The following BHLHE23 variants were observed in gnomAD, a reference collection of about 807,000 sequenced individuals.
BHLHE23 encodes the protein basic helix-loop-helix family member e23.
For synonymous variants in BHLHE23, 204 were observed against 184.4 expected (o/e 1.11, Z -0.86); for missense variants, 401 against 380.0 (o/e 1.06, Z -0.46).
At position 63,006,765 on chromosome 20, in the gene BHLHE23, G is replaced by T; in HGVS notation, c.10C>A (p.Arg4Ser). 7.8e-7 allele frequency: 1 copy of T among 1,277,924 alleles called. No homozygotes were observed. Among genetic ancestry groups the T allele is most frequent in the Non-Finnish European group, 9.9e-7 (1 of 1,014,694 alleles). The allele number at this position is 1,277,924 out of a possible 1,614,324, so 79.2% of individuals were successfully genotyped here. Residue 4 changes from arginine to serine, a missense_variant, in exon 1 of 1, where the codon CGC (arginine) becomes AGC (serine). Arg to Ser is a moderately radical substitution (Grantham distance 110, BLOSUM62 -1). Transcript: ENST00000612929. The stretch of plus-strand genomic sequence containing the variant: ...GGGCTCGGGGGCTCGCCGGGTGGGC[G>T]GATGCTCATGTGGGTGAGCAGCCCC... MSI[R>S]PPGEPPSPGG...
chr20:63,006,436 C>T lies in BHLHE23; in HGVS notation c.339G>A (p.Glu113=). 9.5e-6 allele frequency: 14 copies of T among 1,479,258 alleles called. No individual in the cohort carries two copies. Among genetic ancestry groups the T allele is most frequent in the Non-Finnish European group, 1.2e-5 (14 of 1,126,310 alleles). 91.6% of individuals were successfully genotyped at this position (1,479,258 alleles called of 1,614,324 possible). A position where few individuals can be genotyped will look rare whatever the true frequency, so the allele number is the denominator to read the frequency against. Residue 113 remains glutamate (E), a synonymous_variant, in exon 1 of 1, where the codon GAG becomes GAA. Coordinates refer to ENST00000612929, the MANE Select transcript of BHLHE23 (RefSeq NM_080606.4). ...SAADGRRRPR[E]QRSLRLSINA... ...TGATGCTGAGCCGCAGAGACCGCTG[C>T]TCTCGCGGCCGCCGCCGCCCGTCCG...
chr20:63,005,937 G>C lies in BHLHE23; in HGVS notation c.*112C>G, dbSNP rs1241449633. The C allele has an allele frequency of 1.4e-6, 2 of 1,404,376 alleles. No individual in the cohort carries two copies. The highest frequency in any genetic ancestry group is 1.8e-6 in the Non-Finnish European group (2 of 1,085,782). 87.0% of individuals were successfully genotyped at this position (1,404,376 alleles called of 1,614,324 possible). A position where few individuals can be genotyped will look rare whatever the true frequency, so the allele number is the denominator to read the frequency against. ...CCGCGCACAGGCTGGAAGCGAAGTC[G>C]GGCCCCCTCCTCCTGGTCTGCAGGG... is the stretch of plus-strand genomic sequence containing the variant. On this transcript the variant is annotated 3_prime_UTR_variant, in exon 1 of 1. Transcript: ENST00000612929.
chr20:63,006,391 G>C lies in BHLHE23; in HGVS notation c.384C>G (p.Arg128=), dbSNP rs778373386. The C allele has an allele frequency of 1.6e-5, 25 of 1,595,270 alleles. No individual in the cohort carries two copies. The highest frequency in any genetic ancestry group is 2.0e-5 in the Non-Finnish European group (23 of 1,176,228). The change falls in exon 1 of 1, where the codon CGC becomes CGG. Residue 128 remains arginine (R), a synonymous_variant. Coordinates refer to ENST00000612929, the MANE Select transcript of BHLHE23 (RefSeq NM_080606.4). The part of the protein sequence containing the change: ...RLSINARERR[R]MHDLNDALDG... ...CCAGCGCGTCGTTTAGGTCGTGCATGCGCCGCCGCTCGCGCGCGTTGATGC... is the reference window on the plus strand; with the variant it reads ...CCAGCGCGTCGTTTAGGTCGTGCATCCGCCGCCGCTCGCGCGCGTTGATGC...
chr20:63,006,760 T>A lies in BHLHE23; in HGVS notation c.15A>T (p.Pro5=). MSIR[P]PGEPPSPGGA... ...CGCCTGGGCTCGGGGGCTCGCCGGG[T>A]GGGCGGATGCTCATGTGGGTGAGCA... Residue 5 remains proline (P), a synonymous_variant, in exon 1 of 1, where the codon CCA becomes CCT. Coordinates refer to ENST00000612929, the MANE Select transcript of BHLHE23 (RefSeq NM_080606.4). 7.8e-7 allele frequency: 1 copy of A among 1,278,676 alleles called. No individual in the cohort carries two copies. The highest frequency in any genetic ancestry group is 1.6e-5 in the African/African-American group (1 of 64,390). 79.2% of individuals were successfully genotyped at this position (1,278,676 alleles called of 1,614,324 possible). A position where few individuals can be genotyped will look rare whatever the true frequency, so the allele number is the denominator to read the frequency against.
chr20:63,005,986 G>C lies in BHLHE23; in HGVS notation c.*63C>G. ...GGTCCCTCCAGGCCTTTCCTGTCCG[G>C]GCAGAGAGACAGTCACAGGGGCGAT... On this transcript the variant is annotated 3_prime_UTR_variant, in exon 1 of 1. Transcript: ENST00000612929. 1 of 1,450,986 alleles carries C rather than the reference G, an allele frequency of 6.9e-7. No individual in the cohort carries two copies. The highest frequency in any genetic ancestry group is 9.0e-7 in the Non-Finnish European group (1 of 1,108,292). 89.9% of individuals were successfully genotyped at this position (1,450,986 alleles called of 1,614,324 possible). A position where few individuals can be genotyped will look rare whatever the true frequency, so the allele number is the denominator to read the frequency against.
chr20:63,005,947 C>T lies in BHLHE23; in HGVS notation c.*102G>A. The T allele has an allele frequency of 7.1e-7, 1 of 1,408,326 alleles. No individual in the cohort carries two copies. The highest frequency in any genetic ancestry group is 9.2e-7 in the Non-Finnish European group (1 of 1,087,728). The allele number at this position is 1,408,326 out of a possible 1,614,324, so 87.2% of individuals were successfully genotyped here. A position where few individuals can be genotyped will look rare whatever the true frequency, so the allele number is the denominator to read the frequency against. ...GCTGGAAGCGAAGTCGGGCCCCCTCCTCCTGGTCTGCAGGGTCCCTCCAGG... is the reference window on the plus strand; with the variant it reads ...GCTGGAAGCGAAGTCGGGCCCCCTCTTCCTGGTCTGCAGGGTCCCTCCAGG... On this transcript the variant is annotated 3_prime_UTR_variant, in exon 1 of 1. Coordinates refer to ENST00000612929, the MANE Select transcript of BHLHE23 (RefSeq NM_080606.4).
Position 63,006,949 on chromosome 20 carries a change from G to C in BHLHE23, c.-175C>G. The C allele has an allele frequency of 2.7e-6, 3 of 1,112,958 alleles. No homozygotes were observed. The South Asian group carries it at 1.4e-4, about 52-fold the overall frequency. The allele number at this position is 1,112,958 out of a possible 1,614,324, so 68.9% of individuals were successfully genotyped here. On this transcript the variant is annotated 5_prime_UTR_variant, in exon 1 of 1. Coordinates refer to ENST00000612929, the MANE Select transcript of BHLHE23 (RefSeq NM_080606.4). ...CTCCTCTCCCTCCCAGCCGCGACGC[G>C]CAGGGGGCGGGCTCTACCTCCCCCT...
Position 63,006,343 on chromosome 20 carries a change from G to C in BHLHE23, c.432C>G (p.Pro144=), listed in dbSNP as rs1309293230. ...TGCGCACCGACGGGCTGTGCGCGTA[G>C]GGGATGACGGCTCGCAGCCCGTCCA... ...DALDGLRAVI[P]YAHSPSVRKL... is the part of the protein sequence containing the mutation. The change falls in exon 1 of 1, where the codon CCC becomes CCG. Residue 144 remains proline (P), a synonymous_variant. Coordinates refer to ENST00000612929, the MANE Select transcript of BHLHE23 (RefSeq NM_080606.4). 1 of 1,610,390 alleles carries C rather than the reference G, an allele frequency of 6.2e-7. No homozygotes were observed. Among genetic ancestry groups the C allele is most frequent in the South Asian group, 1.1e-5 (1 of 91,000 alleles).
chr20:63,006,897 C>G lies in BHLHE23; in HGVS notation c.-123G>C. The G allele has an allele frequency of 1.6e-6, 2 of 1,219,720 alleles. No homozygotes were observed. The highest frequency in any genetic ancestry group is 1.0e-6 in the Non-Finnish European group (1 of 979,154). The allele number at this position is 1,219,720 out of a possible 1,614,324, so 75.6% of individuals were successfully genotyped here. A position where few individuals can be genotyped will look rare whatever the true frequency, so the allele number is the denominator to read the frequency against. On this transcript the variant is annotated 5_prime_UTR_variant, in exon 1 of 1. Transcript: ENST00000612929. Reference sequence around the variant, plus strand: ...GTCCCAGAGCCTCGGCGCCCGCTGCCTCCTCCGCCTCTTCCTTCTCTCCCA... The same window carrying G: ...GTCCCAGAGCCTCGGCGCCCGCTGCGTCCTCCGCCTCTTCCTTCTCTCCCA...
chr20:63,006,140 G>A lies in BHLHE23; in HGVS notation c.635C>T (p.Ala212Val). The A allele has an allele frequency of 6.5e-7, 1 of 1,549,466 alleles. No homozygotes were observed. Among genetic ancestry groups the A allele is most frequent in the South Asian group, 1.2e-5 (1 of 84,520 alleles). The change falls in exon 1 of 1, where the codon GCA becomes GTA. Residue 212 changes from alanine (A) to valine (V), a missense_variant. Coordinates refer to ENST00000612929, the MANE Select transcript of BHLHE23 (RefSeq NM_080606.4). ...AGGGCAGGGCCCCAGGGCGGCGCCT[G>A]CGGAGAAGGGGCACACAGTGGCCTG... ...FGQATVCPFS[A>V]GAALGPCPDK...
At position 63,006,022 on chromosome 20, in the gene BHLHE23, G is replaced by A; in HGVS notation, c.*27C>T. 2.0e-6 allele frequency: 3 copies of A among 1,491,454 alleles called. No individual in the cohort carries two copies. The highest frequency in any genetic ancestry group is 2.7e-6 in the Non-Finnish European group (3 of 1,125,928). The allele number at this position is 1,491,454 out of a possible 1,614,324, so 92.4% of individuals were successfully genotyped here. ...AGTCACAGGGGCGATCGGAGGACGCGTGCGGGAGGGCCGGGGGCCCGCGCG... is the reference window on the plus strand; with the variant it reads ...AGTCACAGGGGCGATCGGAGGACGCATGCGGGAGGGCCGGGGGCCCGCGCG... On this transcript the variant is annotated 3_prime_UTR_variant, in exon 1 of 1. Transcript: ENST00000612929.
In BHLHE23 at chr20:63,006,440, C is replaced by G. The variant is rs1184042877; in HGVS notation, c.335G>C (p.Arg112Pro). The G allele has an allele frequency of 1.4e-6, 2 of 1,466,470 alleles. No homozygotes were observed. Among genetic ancestry groups the G allele is most frequent in the Admixed American group, 2.7e-5 (1 of 36,828 alleles). 90.8% of individuals were successfully genotyped at this position (1,466,470 alleles called of 1,614,324 possible). Residue 112 changes from arginine to proline, a missense_variant, in exon 1 of 1, where the codon CGA becomes CCA. By Grantham distance (103) the Arg-to-Pro change is moderately radical. Coordinates refer to ENST00000612929, the MANE Select transcript of BHLHE23 (RefSeq NM_080606.4). The part of the protein sequence containing the change: ...GSAADGRRRP[R>P]EQRSLRLSIN... ...GCTGAGCCGCAGAGACCGCTGCTCT[C>G]GCGGCCGCCGCCGCCCGTCCGCCGC... is the stretch of plus-strand genomic sequence containing the variant.
chr20:63,006,729 C>A lies in BHLHE23; in HGVS notation c.46G>T (p.Ala16Ser). The A allele has an allele frequency of 1.5e-6, 2 of 1,320,622 alleles. No homozygotes were observed. Among genetic ancestry groups the A allele is most frequent in the Middle Eastern group, 2.9e-4 (1 of 3,500 alleles). The allele number at this position is 1,320,622 out of a possible 1,614,324, so 81.8% of individuals were successfully genotyped here. The change falls in exon 1 of 1, where the codon GCC becomes TCC. Residue 16 changes from alanine (A) to serine (S), a missense_variant. Coordinates refer to ENST00000612929, the MANE Select transcript of BHLHE23 (RefSeq NM_080606.4). ...GACAGCGACTTGAGCTCGGCCATGG[C>A]CGCGCCGCCTGGGCTCGGGGGCTCG... The part of the protein sequence containing the change: ...PGEPPSPGGA[A>S]MAELKSLSGD...
At position 63,006,942 on chromosome 20, in the gene BHLHE23, G is replaced by A. The variant is rs1456193524; in HGVS notation, c.-168C>T. The A allele has an allele frequency of 1.8e-6, 2 of 1,138,334 alleles. No homozygotes were observed. Among genetic ancestry groups the A allele is most frequent in the Non-Finnish European group, 1.1e-6 (1 of 906,274 alleles). 70.5% of individuals were successfully genotyped at this position (1,138,334 alleles called of 1,614,324 possible). Reference sequence around the variant, plus strand: ...CTCCCACCTCCTCTCCCTCCCAGCCGCGACGCGCAGGGGGCGGGCTCTACC... The same window carrying A: ...CTCCCACCTCCTCTCCCTCCCAGCCACGACGCGCAGGGGGCGGGCTCTACC... On this transcript the variant is annotated 5_prime_UTR_variant, in exon 1 of 1. Coordinates refer to ENST00000612929, the MANE Select transcript of BHLHE23 (RefSeq NM_080606.4).
Position 63,006,925 on chromosome 20 carries a change from T to C in BHLHE23, c.-151A>G. 8.5e-7 allele frequency: 1 copy of C among 1,178,902 alleles called. No individual in the cohort carries two copies. The highest frequency in any genetic ancestry group is 4.4e-5 in the South Asian group (1 of 22,934). 73.0% of individuals were successfully genotyped at this position (1,178,902 alleles called of 1,614,324 possible). ...CTCCGCCTCTTCCTTCTCTCCCACCTCCTCTCCCTCCCAGCCGCGACGCGC... is the reference window on the plus strand; with the variant it reads ...CTCCGCCTCTTCCTTCTCTCCCACCCCCTCTCCCTCCCAGCCGCGACGCGC... On this transcript the variant is annotated 5_prime_UTR_variant, in exon 1 of 1. Transcript: ENST00000612929.
chr20:63,005,987 G>T lies in BHLHE23; in HGVS notation c.*62C>A. 1 of 1,451,454 alleles carries T rather than the reference G, an allele frequency of 6.9e-7. No homozygotes were observed. 89.9% of individuals were successfully genotyped at this position (1,451,454 alleles called of 1,614,324 possible). On this transcript the variant is annotated 3_prime_UTR_variant, in exon 1 of 1. Coordinates refer to ENST00000612929, the MANE Select transcript of BHLHE23 (RefSeq NM_080606.4). ...GTCCCTCCAGGCCTTTCCTGTCCGGGCAGAGAGACAGTCACAGGGGCGATC... is the reference window on the plus strand; with the variant it reads ...GTCCCTCCAGGCCTTTCCTGTCCGGTCAGAGAGACAGTCACAGGGGCGATC...
Position 63,006,641 on chromosome 20 carries a change from C to T in BHLHE23, c.134G>A (p.Gly45Glu). The change falls in exon 1 of 1, where the codon GGG (glycine) becomes GAG (glutamate). Residue 45 changes from glycine to glutamate, a missense_variant. By Grantham distance (98) the Gly-to-Glu change is moderately conservative. Transcript: ENST00000612929. ...YAAAAAGLAYGAAREPEAARG... is the reference protein window; with the variant it reads ...YAAAAAGLAYEAAREPEAARG... ...GGCCGCTTCGGGTTCTCGCGCCGCC[C>T]CGTAGGCGAGACCCGCAGCCGCCGC... 4 of 1,367,396 alleles carry T rather than the reference C, an allele frequency of 2.9e-6. No homozygotes were observed. The highest frequency in any genetic ancestry group is 3.8e-6 in the Non-Finnish European group (4 of 1,060,568). The allele number at this position is 1,367,396 out of a possible 1,614,324, so 84.7% of individuals were successfully genotyped here. A position where few individuals can be genotyped will look rare whatever the true frequency, so the allele number is the denominator to read the frequency against.
rs750712267 is a variant in BHLHE23 at position 63,006,360 on chromosome 20, G to A, written c.415C>T (p.Leu139=). Reference sequence around the variant, plus strand: ...TGCGCGTAGGGGATGACGGCTCGCAGCCCGTCCAGCGCGTCGTTTAGGTCG... The same window carrying A: ...TGCGCGTAGGGGATGACGGCTCGCAACCCGTCCAGCGCGTCGTTTAGGTCG... ...MHDLNDALDG[L]RAVIPYAHSP... The change falls in exon 1 of 1, where the codon CTG becomes TTG. Residue 139 remains leucine, a synonymous_variant. Coordinates refer to ENST00000612929, the MANE Select transcript of BHLHE23 (RefSeq NM_080606.4). 2 of 1,608,616 alleles carry A rather than the reference G, an allele frequency of 1.2e-6. No homozygotes were observed. The highest frequency in any genetic ancestry group is 1.7e-6 in the Non-Finnish European group (2 of 1,179,444).
At position 63,006,589 on chromosome 20, in the gene BHLHE23, G is replaced by A; in HGVS notation, c.186C>T (p.Gly62=). ...AARGYGTPGP[G]GDLPAAPAPR... is the part of the protein sequence containing the mutation. ...GTGCAGGCGCCGCGGGGAGGTCGCCGCCCGGGCCCGGAGTGCCGTAGCCGC... is the reference window on the plus strand; with the variant it reads ...GTGCAGGCGCCGCGGGGAGGTCGCCACCCGGGCCCGGAGTGCCGTAGCCGC... Residue 62 remains glycine (G), a synonymous_variant, in exon 1 of 1, where the codon GGC becomes GGT. Coordinates refer to ENST00000612929, the MANE Select transcript of BHLHE23 (RefSeq NM_080606.4). 1.5e-6 allele frequency: 2 copies of A among 1,308,628 alleles called. No individual in the cohort carries two copies. The highest frequency in any genetic ancestry group is 1.9e-6 in the Non-Finnish European group (2 of 1,031,426). 81.1% of individuals were successfully genotyped at this position (1,308,628 alleles called of 1,614,324 possible).
Sources: allele counts gnomAD v4.1 joint callset, GRCh38; gene constraint gnomAD v4.1.1; transcripts MANE v1.5; gene names NCBI Gene and HGNC (gene_info 2026-07-23, HGNC 2026-07-21).